GKN1: variants seen among roughly 807,000 people sequenced by gnomAD.
GKN1 encodes the protein gastrokine-1.
In GKN1, 17 loss-of-function variants were observed where a neutral mutation model predicts 19.7. The ratio of observed to expected loss-of-function variants is 0.86; its 90% CI spans 0.59 to 1.29. The LOEUF (loss-of-function observed/expected upper bound fraction) is 1.29, where lower values mean the gene tolerates loss of function less well. Ranked by LOEUF, GKN1 falls within the 50% of genes most tolerant of loss-of-function variation. The pLI is 0.00. For synonymous variants in GKN1, 96 were observed against 78.3 expected (o/e 1.23, Z -1.20); for missense variants, 218 against 224.5 (o/e 0.97, Z 0.19).
Position 68,979,926 on chromosome 2 carries a change from G to T in GKN1, c.329G>T (p.Gly110Val). 1.2e-6 allele frequency: 2 copies of T among 1,613,538 alleles called. No homozygotes were observed. The highest frequency in any genetic ancestry group is 1.7e-6 in the Non-Finnish European group (2 of 1,179,522). Reference protein sequence around the residue: ...LVKEKKLQGKGPGGPPPKGLM... With the variant: ...LVKEKKLQGKVPGGPPPKGLM... ...TTCCACACTCAGCTTCAGGGTAAGG[G>T]ACCAGGAGGACCACCTCCCAAGGGC... Residue 110 changes from glycine to valine, a missense_variant, in exon 5 of 6, where the codon GGA becomes GTA. Physicochemically the swap from Gly to Val is moderately radical, Grantham distance 109. Transcript: ENST00000377938.
chr2:68,979,187 G>A (rs1670322805), intron 4 of GKN1, among the ~76,000 whole-genome samples: 1 of 152,166 alleles, frequency 6.6e-6, no homozygotes, highest in Non-Finnish European at 1.5e-5. Flanking sequence ...CAACCGCTGA[G>A]CAAAGCACTT....
chr2:68,980,909 T>G lies in GKN1; in HGVS notation c.*86T>G. The G allele has an allele frequency of 1.4e-6, 1 of 707,996 alleles. No individual in the cohort carries two copies. The highest frequency in any genetic ancestry group is 2.5e-6 in the Non-Finnish European group (1 of 393,990). The allele number at this position is 707,996 out of a possible 1,614,324, so 43.9% of individuals were successfully genotyped here. A position where few individuals can be genotyped will look rare whatever the true frequency, so the allele number is the denominator to read the frequency against. ...GGCTCCAGTGGTTTTTACCATGTCATTCTGAAATTTTTCTCTACTAGTTAT... is the reference window on the plus strand; with the variant it reads ...GGCTCCAGTGGTTTTTACCATGTCAGTCTGAAATTTTTCTCTACTAGTTAT... On this transcript the variant is annotated 3_prime_UTR_variant, in exon 6 of 6. Coordinates refer to ENST00000377938, the MANE Select transcript of GKN1 (RefSeq NM_019617.4).
At chr2:68,979,622 C>T (rs939508954) in intron 4 of GKN1, among the ~76,000 whole-genome samples, 3 of 152,220 alleles carry the variant, frequency 2.0e-5, no homozygotes, top group African/African-American at 2.4e-5. Context: ...ATAGTCTAAT[C>T]CAAGGAATCT....
At chr2:68,980,140 C>A in intron 5 of GKN1, 80 bp downstream of exon 5, 2 of 1,231,494 alleles carry the variant, frequency 1.6e-6, no homozygotes, top group Non-Finnish European at 2.4e-6. Flanking sequence ...CCATAGTGGG[C>A]ACCAGTGATG....
At chr2:68,975,884 C>A (rs13432644) in intron 1 of GKN1, among the ~76,000 whole-genome samples, 25,558 of 151,844 alleles carry the variant, frequency 0.17, 2,949 homozygotes, top group African/African-American at 0.31. Flanking sequence ...AATTTTTTTT[C>A]AAAAGTTACC....
rs1345395393 is a variant in GKN1, at chr2:68,980,014, A to G, written c.417A>G (p.Ala139=). 1.2e-6 allele frequency: 2 copies of G among 1,614,014 alleles called. No homozygotes were observed. The highest frequency in any genetic ancestry group is 3.3e-5 in the Admixed American group (2 of 60,026). ...DDLSKFGKNI[A]NMCRGIPTYM... ...TGAGCAAGTTCGGAAAAAACATTGC[A>G]AACATGTGTCGTGGGATTCCAACAT... Residue 139 remains alanine, a synonymous_variant, in exon 5 of 6, where the codon GCA becomes GCG. Coordinates refer to ENST00000377938, the MANE Select transcript of GKN1 (RefSeq NM_019617.4).
rs564424588 is a variant in GKN1, at chr2:68,980,833, T to C, written c.*10T>C. The stretch of plus-strand genomic sequence containing the variant: ...CACGGTGGAGAACTAAACAATTTTT[T>C]AAAGCCACTATGGATTTAGTCATCT... On this transcript the variant is annotated 3_prime_UTR_variant, in exon 6 of 6. Transcript: ENST00000377938. 3 of 1,296,036 alleles carry C rather than the reference T, an allele frequency of 2.3e-6. No individual in the cohort carries two copies. Among genetic ancestry groups the C allele is most frequent in the South Asian group, 2.4e-5 (2 of 84,804 alleles). The allele number at this position is 1,296,036 out of a possible 1,614,324, so 80.3% of individuals were successfully genotyped here.
chr2:68,977,324 G>C (rs193227168), intron 1 of GKN1, among the ~76,000 whole-genome samples, 171 bp from the exon 2 acceptor site: 1 of 151,942 alleles, frequency 6.6e-6, no homozygotes, highest in East Asian at 1.9e-4. Flanking sequence ...TCACATTATC[G>C]TTAAAACCTT....
intron 5 of GKN1, 152 bp from the exon 6 acceptor site, chr2:68,980,577 A>G (rs1670344228): frequency 5.1e-6 from 3 of 587,216 alleles, no homozygotes; most frequent in African/African-American, 1.9e-5. Flanking sequence ...GCAATTTTCC[A>G]GATCTCTGAA....
rs1198357132 is a variant in GKN1 at position 68,977,792 on chromosome 2, A to G, written c.204+18A>G. 3 of 1,581,052 alleles carry G rather than the reference A, an allele frequency of 1.9e-6. No individual in the cohort carries two copies. In the East Asian group the frequency reaches 6.7e-5, roughly 35 times the overall value. On this transcript the variant is annotated intron_variant, in intron 3 of 5. Coordinates refer to ENST00000377938, the MANE Select transcript of GKN1 (RefSeq NM_019617.4). Reference sequence around the variant, plus strand: ...ATGGAAATGTAGGTAGTCAACGTGCAATTTTCACTTTATTGTTTAAAAATA... The same window carrying G: ...ATGGAAATGTAGGTAGTCAACGTGCGATTTTCACTTTATTGTTTAAAAATA...
intron 1 of GKN1, among the ~76,000 whole-genome samples, chr2:68,975,590 G>A (rs1359905700): frequency 1.3e-5 from 2 of 152,008 alleles, no homozygotes; most frequent in Non-Finnish European, 2.9e-5. Context: ...ACTTTATAAT[G>A]GGGCTGCAAA....
chr2:68,980,690 A>G, intron 5 of GKN1, 39 bp from the exon 6 acceptor site: 1 of 1,036,730 alleles, frequency 9.6e-7, no homozygotes, highest in Non-Finnish European at 1.5e-6. Flanking sequence ...GAGTCCTTAA[A>G]TAGACATTAA....
chr2:68,975,161 A>G (rs1422525061), intron 1 of GKN1, among the ~76,000 whole-genome samples: 3 of 152,150 alleles, frequency 2.0e-5, no homozygotes, highest in Non-Finnish European at 4.4e-5. Context: ...ATGCAGGGTA[A>G]GCAGTTCCTA....
chr2:68,979,979 G>T lies in GKN1; in HGVS notation c.382G>T (p.Val128Phe), dbSNP rs1212503055. Reference protein sequence around the residue: ...GLMYSVNPNKVDDLSKFGKNI... With the variant: ...GLMYSVNPNKFDDLSKFGKNI... ...GATGTACTCAGTCAACCCAAACAAA[G>T]TCGATGACCTGAGCAAGTTCGGAAA... The change falls in exon 5 of 6, where the codon GTC becomes TTC. Residue 128 changes from valine to phenylalanine, a missense_variant. By Grantham distance (50) the Val-to-Phe change is conservative. Transcript: ENST00000377938. 1 of 1,613,678 alleles carries T rather than the reference G, an allele frequency of 6.2e-7. No individual in the cohort carries two copies. Among genetic ancestry groups the T allele is most frequent in the Non-Finnish European group, 8.5e-7 (1 of 1,179,566 alleles).
chr2:68,978,999 T>C lies in GKN1; in HGVS notation c.315+18T>C, dbSNP rs368737296. 2 of 1,334,134 alleles carry C rather than the reference T, an allele frequency of 1.5e-6. No individual in the cohort carries two copies. Among genetic ancestry groups the C allele is most frequent in the East Asian group, 2.3e-5 (1 of 43,178 alleles). 82.6% of individuals were successfully genotyped at this position (1,334,134 alleles called of 1,614,324 possible). A position where few individuals can be genotyped will look rare whatever the true frequency, so the allele number is the denominator to read the frequency against. ...AAAAGAAGGTAAAAATAAAAGGCTT[T>C]TTATTTTTGGTGAGGGGAGAGGTTT... On this transcript the variant is annotated intron_variant, in intron 4 of 5. Coordinates refer to ENST00000377938, the MANE Select transcript of GKN1 (RefSeq NM_019617.4).
chr2:68,974,740 A>C (rs1487879433), intron 1 of GKN1, 51 bp downstream of exon 1: 1 of 1,159,664 alleles, frequency 8.6e-7, no homozygotes, highest in Admixed American at 1.7e-5. Context: ...GGAGACTGTC[A>C]ATATTCTGAG....
chr2:68,976,235 A>G (rs1402011385), intron 1 of GKN1, among the ~76,000 whole-genome samples: 2 of 152,208 alleles, frequency 1.3e-5, no homozygotes, highest in Admixed American at 6.5e-5. Context: ...AATCATTTTC[A>G]GATGTGATTT....
Position 68,979,999 on chromosome 2 carries a change from C to G in GKN1, c.402C>G (p.Phe134Leu). 1.2e-6 allele frequency: 2 copies of G among 1,613,756 alleles called. No individual in the cohort carries two copies. The highest frequency in any genetic ancestry group is 1.7e-6 in the Non-Finnish European group (2 of 1,179,684). The change falls in exon 5 of 6, where the codon TTC (phenylalanine) becomes TTG (leucine). Residue 134 changes from phenylalanine to leucine, a missense_variant. Coordinates refer to ENST00000377938, the MANE Select transcript of GKN1 (RefSeq NM_019617.4). ...NPNKVDDLSK[F>L]GKNIANMCRG... Reference sequence around the variant, plus strand: ...ACAAAGTCGATGACCTGAGCAAGTTCGGAAAAAACATTGCAAACATGTGTC... The same window carrying G: ...ACAAAGTCGATGACCTGAGCAAGTTGGGAAAAAACATTGCAAACATGTGTC...
At chr2:68,975,646 T>TTTA (rs2103920299) in intron 1 of GKN1, among the ~76,000 whole-genome samples, 1 of 152,236 alleles carries the variant, frequency 6.6e-6, no homozygotes, top group African/African-American at 2.4e-5. Flanking sequence ...AGCAGCAAAG[T>TTTA]TTAAAAGGGT....
Sources: allele counts gnomAD v4.1 joint callset (sites outside exome capture counted in the v4.1 genomes callset), GRCh38; gene constraint gnomAD v4.1.1; transcripts MANE v1.5; gene names NCBI Gene and HGNC (gene_info 2026-07-23, HGNC 2026-07-21).